The following CEP128 variants were observed in gnomAD, a reference collection of about 807,000 sequenced individuals.
The protein encoded by CEP128 is centrosomal protein 128kDa.
In CEP128, 132 loss-of-function variants were observed where a neutral mutation model predicts 156.7. The ratio of observed to expected loss-of-function variants is 0.84; its 90% CI spans 0.73 to 0.97. CEP128 has a LOEUF of 0.97. Among genes scored for constraint, CEP128 ranks in the 50% least tolerant of loss-of-function variants. The probability of loss-of-function intolerance (pLI) is 0.00; values close to 1 mark genes in which losing one functional copy is unlikely to be tolerated. For missense variants in CEP128, 1,252 were observed against 1,281.9 expected, an observed-to-expected ratio of 0.98 and a Z score of 0.36; for synonymous variants, 469 against 448.9, an observed-to-expected ratio of 1.04 and a Z score of -0.57.
chr14:80,630,890 C>T (rs370334466), intron 19 of CEP128, among the ~76,000 whole-genome samples: 166 of 152,096 alleles, frequency 1.1e-3, no homozygotes, highest in African/African-American at 3.7e-3. Flanking sequence ...AACTTACAAA[C>T]GCTGTCAAAA....
At chr14:80,495,366 G>A (rs566610797), downstream of CEP128, among the ~76,000 whole-genome samples, 12 of 152,212 alleles carry the variant, frequency 7.9e-5, no homozygotes, top group South Asian at 2.5e-3. Flanking sequence ...ACAGGTCCCT[G>A]GATTTAATTC....
chr14:80,497,637 T>G, intron 24 of CEP128, 55 bp from the exon 25 acceptor site: 22 of 1,137,978 alleles, frequency 1.9e-5, no homozygotes, highest in Non-Finnish European at 2.3e-5. Flanking sequence ...AAAACTGGCC[T>G]AAAAAATTAA....
intron 2 of CEP128, among the ~76,000 whole-genome samples, chr14:80,931,430 T>A (rs1301634035): frequency 1.3e-5 from 2 of 152,222 alleles, no homozygotes; most frequent in African/African-American, 4.8e-5. Flanking sequence ...TTAAAGTACA[T>A]GCCCTTAACT....
chr14:80,812,489 C>A (rs985142462), intron 13 of CEP128, among the ~76,000 whole-genome samples: 1 of 151,910 alleles, frequency 6.6e-6, no homozygotes, highest in Non-Finnish European at 1.5e-5. Flanking sequence ...AACTGCTTTC[C>A]ACAGTGGGTA....
chr14:80,784,474 C>A (rs1901290616), intron 15 of CEP128, among the ~76,000 whole-genome samples: 1 of 152,116 alleles, frequency 6.6e-6, no homozygotes, highest in Admixed American at 6.5e-5. Flanking sequence ...ATCTCGAAAG[C>A]CTTGGGTTTA....
chr14:80,741,198 A>G, intron 19 of CEP128, among the ~76,000 whole-genome samples: 1 of 152,200 alleles, frequency 6.6e-6, no homozygotes, highest in East Asian at 1.9e-4. Context: ...ATTCACTAGC[A>G]TTTTGTACAG....
intron 20 of CEP128, among the ~76,000 whole-genome samples, chr14:80,561,896 C>CTATA (rs145642470): frequency 0.17 from 23,508 of 142,144 alleles, 2,204 homozygotes; most frequent in African/African-American, 0.2. Flanking sequence ...ATACGAAGGT[C>CTATA]TATATATATA....
intron 19 of CEP128, among the ~76,000 whole-genome samples, chr14:80,714,603 C>A (rs189153627): frequency 6.6e-6 from 1 of 152,132 alleles, no homozygotes; most frequent in Non-Finnish European, 1.5e-5. Flanking sequence ...TAGAAAATTA[C>A]CCGAGCTCTC....
chr14:80,511,786 A>C (rs1888271077), intron 23 of CEP128, among the ~76,000 whole-genome samples: 1 of 151,848 alleles, frequency 6.6e-6, no homozygotes, highest in Non-Finnish European at 1.5e-5. Context: ...TTGATATGCT[A>C]TGCTTCCATT....
At chr14:80,877,197 G>A (rs75804500) in intron 8 of CEP128, among the ~76,000 whole-genome samples, 2,301 of 151,840 alleles carry the variant, frequency 0.015, 31 homozygotes, top group Non-Finnish European at 0.02. Flanking sequence ...GCTAATAGAC[G>A]TGGAATACAG....
chr14:80,634,288 T>TA (rs1894089813), intron 19 of CEP128, among the ~76,000 whole-genome samples: 1 of 152,212 alleles, frequency 6.6e-6, no homozygotes, highest in South Asian at 2.1e-4. Context: ...TACATTCTAA[T>TA]AGATGAGTGA....
chr14:80,669,626 A>G (rs1232387185), intron 19 of CEP128, among the ~76,000 whole-genome samples: 1 of 152,244 alleles, frequency 6.6e-6, no homozygotes, highest in Non-Finnish European at 1.5e-5. Flanking sequence ...ACCATCTTAC[A>G]GTAGTCAGTA....
In CEP128 at chr14:80,815,839, A is replaced by AT. The variant is rs566126767; in HGVS notation, c.1209+15303dup. On this transcript the variant is annotated intron_variant, in intron 13 of 24. Coordinates refer to ENST00000555265, the MANE Select transcript of CEP128 (RefSeq NM_152446.5). ...AAACAACTCAAAAACAGAAAGTCAA[A>AT]TACTGCGTGTTCTCATTTATACGTG... is the stretch of plus-strand genomic sequence containing the variant. Among the ~76,000 whole-genome samples, 3 of 152,358 alleles carry AT rather than the reference A, an allele frequency of 2.0e-5. No individual in the cohort carries two copies. The South Asian group carries it at 6.2e-4, about 32-fold the overall frequency.
intron 21 of CEP128, among the ~76,000 whole-genome samples, chr14:80,552,811 G>T (rs1328329447): frequency 1.3e-5 from 2 of 152,122 alleles, no homozygotes; most frequent in Non-Finnish European, 2.9e-5. Context: ...TTGGTAGTCA[G>T]TTATATCTGC....
At chr14:80,518,859 A>C (rs1424255789) in intron 23 of CEP128, among the ~76,000 whole-genome samples, 1 of 152,216 alleles carries the variant, frequency 6.6e-6, no homozygotes, top group African/African-American at 2.4e-5. Flanking sequence ...TAACCCTAAA[A>C]GACTACCCTA....
chr14:80,571,336 T>C (rs1483158773), intron 20 of CEP128, among the ~76,000 whole-genome samples: 1 of 152,220 alleles, frequency 6.6e-6, no homozygotes, highest in Admixed American at 6.5e-5. Context: ...CAGAATGTAG[T>C]AAAGGCATGG....
At position 80,601,564 on chromosome 14, in the gene CEP128, C is replaced by A. The variant is rs770827217; in HGVS notation, c.2807-21141G>T. ...TTGTCATAGAGTATATTTACACAAA[C>A]CTAGATGGTATAGCCTACTGTACAA... On this transcript the variant is annotated intron_variant, in intron 19 of 24. Transcript: ENST00000555265. Among the ~76,000 whole-genome samples, 38 of 152,254 alleles carry A rather than the reference C, an allele frequency of 2.5e-4. No individual in the cohort carries two copies. The Middle Eastern group carries it at 0.024, about 95-fold the overall frequency.
At chr14:80,729,058 G>GGGGTGTGTGTGTGTGTGTGT (rs1898141728) in intron 19 of CEP128, among the ~76,000 whole-genome samples, 2 of 105,024 alleles carry the variant, frequency 1.9e-5, no homozygotes, top group African/African-American at 5.0e-5. Context: ...GGCTGGTGGG[G>GGGGTGTGTGTGTGTGTGTGT]GTGTGTGTGT....
chr14:80,705,476 T>C (rs1209172818), intron 19 of CEP128, among the ~76,000 whole-genome samples: 1 of 152,118 alleles, frequency 6.6e-6, no homozygotes, highest in Admixed American at 6.6e-5. Flanking sequence ...ACAAAGAATG[T>C]GGTGGCTTTA....
Sources: gnomAD v4.1 joint callset for allele counts (sites outside exome capture counted in the v4.1 genomes callset) on GRCh38, gnomAD v4.1.1 for gene constraint, MANE v1.5 for transcripts, NCBI Gene and HGNC (gene_info 2026-07-23, HGNC 2026-07-21) for gene names.